Variants in WDR1 observed in about 807,000 individuals in gnomAD.
WDR1 encodes the protein WD repeat-containing protein 1.
A neutral mutation model predicts 71.9 loss-of-function variants in WDR1; 21 were observed. That is an observed-to-expected ratio of 0.29 (90% CI 0.21 to 0.42). The LOEUF is 0.42. Among genes scored for constraint, WDR1 ranks in the 10% least tolerant of loss-of-function variants. The pLI is 1.00. For synonymous variants in WDR1, 424 were observed against 347.4 expected, an observed-to-expected ratio of 1.22 and a Z score of -2.45; for missense variants, 696 against 824.5, an observed-to-expected ratio of 0.84 and a Z score of 1.91.
Position 10,097,718 on chromosome 4 carries a change from G to A in WDR1, c.551C>T (p.Thr184Ile). The A allele has an allele frequency of 1.2e-6, 2 of 1,608,726 alleles. No homozygotes were observed. The highest frequency in any genetic ancestry group is 1.1e-5 in the South Asian group (1 of 90,780). The change falls in exon 5 of 15, where the codon ACA becomes ATA. Residue 184 changes from threonine (T) to isoleucine (I), a missense_variant. Thr to Ile is a moderately conservative substitution (Grantham distance 89, BLOSUM62 -1). Coordinates refer to ENST00000499869, the MANE Select transcript of WDR1 (RefSeq NM_017491.5). ...FEGPPFKFKF[T>I]IGDHSRFVNC... ...AAAAGTAAGTTCACTTACGCCAATT[G>A]TGAACTTGAACTTGAATGGGGGTCC...
chr4:10,101,384 C>T lies in WDR1; in HGVS notation c.230-2245G>A, dbSNP rs563361893. On this transcript the variant is annotated intron_variant, in intron 3 of 14. Coordinates refer to ENST00000499869, the MANE Select transcript of WDR1 (RefSeq NM_017491.5). Reference sequence around the variant, plus strand: ...GTGGGCCAGCACGGCTCTTTCTCAGCCCCCTTCTCCAAACCACCCCCCTAC... The same window carrying T: ...GTGGGCCAGCACGGCTCTTTCTCAGTCCCCTTCTCCAAACCACCCCCCTAC... Among the ~76,000 whole-genome samples, 53 of 152,344 alleles carry T rather than the reference C, an allele frequency of 3.5e-4. No homozygotes were observed. The South Asian group carries it at 0.011, about 31-fold the overall frequency.
intron 2 of WDR1, 47 bp downstream of exon 2, chr4:10,116,066 C>T (rs779664992): frequency 2.5e-6 from 4 of 1,595,624 alleles, no homozygotes; most frequent in African/African-American, 1.3e-5. Context: ...TATCCCATCC[C>T]AAGGTGGCTC....
rs768111954 is a variant in WDR1 at position 10,077,307 on chromosome 4, G to C, written c.1711C>G (p.Gln571Glu). 1 of 1,613,928 alleles carries C rather than the reference G, an allele frequency of 6.2e-7. No individual in the cohort carries two copies. The highest frequency in any genetic ancestry group is 1.1e-5 in the South Asian group (1 of 91,076). ...LSDPETRVKI[Q>E]DAHRLHHVSS... ...AAGGCCTGGGGGCGGAAGTCACCTT[G>C]GATCTTGACTCTGGTTTCCGGGTCA... The change falls in exon 14 of 15, where the codon CAA (glutamine) becomes GAA (glutamate). Residue 571 changes from glutamine (Q) to glutamate (E), a missense_variant. By Grantham distance (29) the Gln-to-Glu change is conservative. Transcript: ENST00000499869.
Position 10,110,529 on chromosome 4 carries a change from C to T in WDR1, c.138+5584G>A, listed in dbSNP as rs546214442. 2.0e-5 allele frequency among the ~76,000 whole-genome samples: 3 copies of T among 152,316 alleles called. No individual in the cohort carries two copies. The South Asian group carries it at 6.2e-4, about 32-fold the overall frequency. ...CCCAGGTACACATGCTGTTTCCTGC[C>T]TGGTTTCTCCCCACCTCTGCCGTGT... is the stretch of plus-strand genomic sequence containing the variant. On this transcript the variant is annotated intron_variant, in intron 2 of 14. Coordinates refer to ENST00000499869, the MANE Select transcript of WDR1 (RefSeq NM_017491.5).
In WDR1 at chr4:10,116,652, G is replaced by T. The variant is rs1713760706; in HGVS notation, c.15C>A (p.Ile5=). ...GGGGCCCCGCGCCGCGGCACTTACTGATCTCGTACGGCATCCTCGCCCACT... is the reference window on the plus strand; with the variant it reads ...GGGGCCCCGCGCCGCGGCACTTACTTATCTCGTACGGCATCCTCGCCCACT... MPYE[I]KKVFASLPQV... Residue 5 remains isoleucine (I), a splice_region_variant and synonymous_variant, in exon 1 of 15, where the codon ATC becomes ATA. Coordinates refer to ENST00000499869, the MANE Select transcript of WDR1 (RefSeq NM_017491.5). 3 of 1,332,150 alleles carry T rather than the reference G, an allele frequency of 2.3e-6. No individual in the cohort carries two copies. The highest frequency in any genetic ancestry group is 3.0e-5 in the African/African-American group (2 of 65,688). 82.5% of individuals were successfully genotyped at this position (1,332,150 alleles called of 1,614,324 possible). A position where few individuals can be genotyped will look rare whatever the true frequency, so the allele number is the denominator to read the frequency against.
At chr4:10,086,494 G>A (rs1374360059) in intron 8 of WDR1, among the ~76,000 whole-genome samples, 2 of 152,280 alleles carry the variant, frequency 1.3e-5, no homozygotes, top group African/African-American at 2.4e-5. Context: ...CCTTCCTCGT[G>A]GGCAAACTCC....
chr4:10,087,487 C>T (rs1711659932), intron 8 of WDR1, among the ~76,000 whole-genome samples: 1 of 152,258 alleles, frequency 6.6e-6, no homozygotes, highest in African/African-American at 2.4e-5. Context: ...CACAGTAGCT[C>T]AAGGGGAACT....
chr4:10,075,977 C>G (rs1040957465), intron 14 of WDR1: 1 of 158,924 alleles, frequency 6.3e-6, no homozygotes, highest in South Asian at 1.9e-4. Context: ...TGAACAGATT[C>G]GATTCCCCAT....
At chr4:10,085,584 G>C (rs955048380) in intron 8 of WDR1, among the ~76,000 whole-genome samples, 1 of 152,184 alleles carries the variant, frequency 6.6e-6, no homozygotes, top group African/African-American at 2.4e-5. Flanking sequence ...ACGTGCACTC[G>C]GCAAGAGGCC....
intron 11 of WDR1, 28 bp from the exon 12 acceptor site, chr4:10,079,029 G>A (rs1413446588): frequency 5.8e-6 from 9 of 1,564,380 alleles, no homozygotes; most frequent in Non-Finnish European, 7.8e-6. Context: ...AGCTGGTCAG[G>A]CGGTCCAGCC....
chr4:10,108,369 T>C (rs984214126), intron 2 of WDR1: 20 of 152,218 alleles, frequency 1.3e-4, no homozygotes, highest in African/African-American at 3.9e-4. Flanking sequence ...GTGAACCTGA[T>C]GGAACATGCT....
At chr4:10,082,437 G>A (rs972133369) in intron 10 of WDR1, among the ~76,000 whole-genome samples, 3 of 152,196 alleles carry the variant, frequency 2.0e-5, no homozygotes, top group African/African-American at 4.8e-5. Flanking sequence ...CAGTGGCCTC[G>A]TCAGGTCCTG....
intron 3 of WDR1, among the ~76,000 whole-genome samples, chr4:10,103,471 C>T (rs1270004761): frequency 1.3e-5 from 2 of 152,094 alleles, no homozygotes; most frequent in Non-Finnish European, 2.9e-5. Flanking sequence ...AGAACTAAGG[C>T]CAGTTTTGAA....
At chr4:10,092,494 G>T in intron 5 of WDR1, 1 of 153,986 alleles carries the variant, frequency 6.5e-6, no homozygotes, top group Non-Finnish European at 1.4e-5. Flanking sequence ...GCCTCCCACA[G>T]GCTCTGGCAG....
rs145431219 is a variant in WDR1 at position 10,087,647 on chromosome 4, C to T, written c.951+60G>A. 135 of 1,468,028 alleles carry T rather than the reference C, an allele frequency of 9.2e-5. No homozygotes were observed. The Middle Eastern group carries it at 1.1e-3, about 12-fold the overall frequency. 90.9% of individuals were successfully genotyped at this position (1,468,028 alleles called of 1,614,324 possible). On this transcript the variant is annotated intron_variant, in intron 8 of 14. Transcript: ENST00000499869. ...CCCCTCGGTTCCCCTTCCTTGCTGG[C>T]CACTCTGGTCTCTTCCCTGTCCACC...
chr4:10,099,976 A>C (rs936054911), intron 3 of WDR1, among the ~76,000 whole-genome samples: 1 of 152,208 alleles, frequency 6.6e-6, no homozygotes, highest in Non-Finnish European at 1.5e-5. Context: ...GTCACCAAGT[A>C]CCAAGTCCCA....
intron 6 of WDR1, 68 bp from the exon 7 acceptor site, chr4:10,088,441 T>C: frequency 2.1e-6 from 3 of 1,448,764 alleles, no homozygotes; most frequent in South Asian, 1.2e-5. Flanking sequence ...AGTTTCTCCA[T>C]GGACTGTGGC....
At chr4:10,100,592 G>A (rs959262574) in intron 3 of WDR1, among the ~76,000 whole-genome samples, 2 of 152,330 alleles carry the variant, frequency 1.3e-5, no homozygotes, top group South Asian at 2.1e-4. Context: ...CAGCTGCGGG[G>A]ACAGGCAAGA....
rs76516668 is a variant in WDR1, at chr4:10,113,503, A to G, written c.138+2610T>C. Among the ~76,000 whole-genome samples, 608 of 152,354 alleles carry G rather than the reference A, an allele frequency of 4.0e-3. 6 individuals are homozygous for G. The highest frequency in any genetic ancestry group is 0.014 in the African/African-American group (570 of 41,578). ...AGCAGCAAGGAGGCAAGAACGCTGG[A>G]GCCGAGGCCACGGTAAGGACTCTGG... On this transcript the variant is annotated intron_variant, in intron 2 of 14. Transcript: ENST00000499869.
Sources: allele counts gnomAD v4.1 joint callset (sites outside exome capture counted in the v4.1 genomes callset), GRCh38; gene constraint gnomAD v4.1.1; transcripts MANE v1.5; gene names NCBI Gene and HGNC (gene_info 2026-07-23, HGNC 2026-07-21).